The following PAAF1 variants were observed in gnomAD, a reference collection of about 807,000 sequenced individuals.
PAAF1 encodes proteasomal ATPase associated factor 1.
In PAAF1, 46 loss-of-function variants were observed where a neutral mutation model predicts 52.8. The observed-to-expected ratio is 0.87, with a 90% CI of 0.69 to 1.11. The LOEUF is 1.11. Ranked by LOEUF, PAAF1 falls within the 50% of genes most tolerant of loss-of-function variation. The probability of loss-of-function intolerance (pLI) is 0.00; values close to 1 mark genes in which losing one functional copy is unlikely to be tolerated. For missense variants in PAAF1, 424 were observed against 477.4 expected (o/e 0.89, Z 1.04); for synonymous variants, 178 against 172.8 (o/e 1.03, Z -0.24).
At position 73,909,425 on chromosome 11, in the gene PAAF1, CG is replaced by C. The variant is rs1456918238; in HGVS notation, c.564del (p.Arg189GlyfsTer45). The stretch of plus-strand genomic sequence containing the variant: ...TATCCTGGATACAGCCATCGTTGAT[CG>C]GGGGAGGAATGTGGTGTCTGCTTCT... ...GGILDTAIVD[R>X]GRNVVSASRD... On this transcript the variant is annotated frameshift_variant, in exon 7 of 12. Transcript: ENST00000310571. LOFTEE classifies it high-confidence loss of function. The C allele has an allele frequency of 1.9e-6, 3 of 1,613,792 alleles. No individual in the cohort carries two copies. The highest frequency in any genetic ancestry group is 2.5e-6 in the Non-Finnish European group (3 of 1,179,928).
chr11:73,881,786 A>C (rs1948915514), intron 2 of PAAF1, among the ~76,000 whole-genome samples: 1 of 152,052 alleles, frequency 6.6e-6, no homozygotes, highest in Admixed American at 6.6e-5. Context: ...GGCTCACTGC[A>C]ACCTCTGCCT....
rs1949524358 is a variant in PAAF1 at position 73,899,251 on chromosome 11, G to A, written c.381+7G>A. 2 of 1,610,460 alleles carry A rather than the reference G, an allele frequency of 1.2e-6. No homozygotes were observed. Among genetic ancestry groups the A allele is most frequent in the East Asian group, 2.2e-5 (1 of 44,840 alleles). On this transcript the variant is annotated splice_region_variant and intron_variant, in intron 5 of 11. Coordinates refer to ENST00000310571, the MANE Select transcript of PAAF1 (RefSeq NM_025155.3). ...TTCCAATGGAGAACTCAGGGTAAAG[G>A]ATTTGGATGTACTTTTAGGTCTTAA...
At chr11:73,887,542 C>T in intron 3 of PAAF1, 85 bp downstream of exon 3, 2 of 807,840 alleles carry the variant, frequency 2.5e-6, no homozygotes, top group Non-Finnish European at 3.8e-6. Flanking sequence ...ATACTATTAT[C>T]TGTGTATCTC....
At chr11:73,905,831 A>AT (rs376713911) in intron 6 of PAAF1, among the ~76,000 whole-genome samples, 27 of 150,942 alleles carry the variant, frequency 1.8e-4, no homozygotes, top group African/African-American at 5.3e-4. Context: ...ACTTTTCAGA[A>AT]TTTTTTTTTT....
At chr11:73,879,550 T>C (rs1015085950) in intron 2 of PAAF1, 1 of 152,188 alleles carries the variant, frequency 6.6e-6, no homozygotes, top group African/African-American at 2.4e-5. Flanking sequence ...CAAATGCTGC[T>C]GATATATTGT....
chr11:73,896,798 C>CA (rs1013840198), intron 4 of PAAF1, among the ~76,000 whole-genome samples: 13 of 152,330 alleles, frequency 8.5e-5, no homozygotes, highest in Admixed American at 3.9e-4. Context: ...GGCCCGTTCT[C>CA]AATGAGCTGT....
At chr11:73,915,914 T>A (rs1281562090) in intron 8 of PAAF1, among the ~76,000 whole-genome samples, 1 of 152,226 alleles carries the variant, frequency 6.6e-6, no homozygotes, top group Non-Finnish European at 1.5e-5. Context: ...TAATATCGCC[T>A]TTGTACTTGA....
intron 10 of PAAF1, among the ~76,000 whole-genome samples, chr11:73,922,553 C>T (rs914679960): frequency 6.6e-6 from 1 of 152,080 alleles, no homozygotes; most frequent in Non-Finnish European, 1.5e-5. Context: ...CACAGTGGCT[C>T]ACACCTGTAA....
chr11:73,908,947 C>T (rs1324487247), intron 6 of PAAF1, among the ~76,000 whole-genome samples: 1 of 151,980 alleles, frequency 6.6e-6, no homozygotes, highest in African/African-American at 2.4e-5. Flanking sequence ...TGTCACCACG[C>T]CTGGCTATTT....
chr11:73,910,109 G>A lies in PAAF1; in HGVS notation c.727+516G>A, dbSNP rs889508566. ...TTTTTATTTATTTTATTCTTTTAGC[G>A]ATAGAGTCCTGCTGTTTTGCCCAGG... On this transcript the variant is annotated intron_variant, in intron 7 of 11. Transcript: ENST00000310571. Among the ~76,000 whole-genome samples, 7 of 152,124 alleles carry A rather than the reference G, an allele frequency of 4.6e-5. No individual in the cohort carries two copies. In the South Asian group the frequency reaches 8.3e-4, roughly 18 times the overall value.
chr11:73,924,826 G>T lies in PAAF1; in HGVS notation c.1101+129G>T, dbSNP rs1950309321. On this transcript the variant is annotated intron_variant, in intron 11 of 11. Transcript: ENST00000310571. ...TAGTGCTTATTGTATAAGCAGTGTG[G>T]TAGGATGGCAAGAAATCAAGAGCTT... 5.8e-6 allele frequency: 4 copies of T among 687,860 alleles called. No homozygotes were observed. In the South Asian group the frequency reaches 7.7e-5, roughly 13 times the overall value. The allele number at this position is 687,860 out of a possible 1,614,324, so 42.6% of individuals were successfully genotyped here.
chr11:73,889,304 A>T, intron 3 of PAAF1: 1 of 1,029,304 alleles, frequency 9.7e-7, no homozygotes, highest in Non-Finnish European at 1.3e-6. Context: ...CACTTTGCTA[A>T]TTTGATATTG....
At chr11:73,916,750 A>G (rs35598792) in intron 9 of PAAF1, 90 bp downstream of exon 9, 43,144 of 790,708 alleles carry the variant, frequency 0.055, 1,344 homozygotes, top group Middle Eastern at 0.079. Context: ...GCATATAGAT[A>G]ACTATTGAAT....
chr11:73,927,311 C>T lies in PAAF1; in HGVS notation c.1128C>T (p.Tyr376=). Residue 376 remains tyrosine, a synonymous_variant, in exon 12 of 12, where the codon TAC becomes TAT. Transcript: ENST00000310571. ...TAGCCACATGGGAGAAGCAGATCTA[C>T]ACATGCTGTCGAGACGGTCTTGTAC... ...YKVATWEKQI[Y]TCCRDGLVRR... is the part of the protein sequence containing the mutation. The T allele has an allele frequency of 1.2e-6, 2 of 1,614,130 alleles. No individual in the cohort carries two copies. The highest frequency in any genetic ancestry group is 1.7e-6 in the Non-Finnish European group (2 of 1,179,968).
intron 10 of PAAF1, chr11:73,922,072 T>C: frequency 3.5e-6 from 3 of 858,654 alleles, no homozygotes; most frequent in South Asian, 1.3e-5. Flanking sequence ...TCATCCACAG[T>C]ATCTGTATCT....
At chr11:73,926,088 T>C (rs888183017) in intron 11 of PAAF1, among the ~76,000 whole-genome samples, 2 of 151,954 alleles carry the variant, frequency 1.3e-5, no homozygotes, top group African/African-American at 4.8e-5. Flanking sequence ...TAAATGCATA[T>C]AGATCTATTT....
At chr11:73,908,361 G>GTATA (rs528147180) in intron 6 of PAAF1, among the ~76,000 whole-genome samples, 10 of 136,802 alleles carry the variant, frequency 7.3e-5, no homozygotes, top group South Asian at 4.3e-4. Flanking sequence ...ATATATGTGT[G>GTATA]TATATATATA....
chr11:73,878,785 T>G lies in PAAF1; in HGVS notation c.54T>G (p.Asp18Glu). 1 of 1,613,426 alleles carries G rather than the reference T, an allele frequency of 6.2e-7. No individual in the cohort carries two copies. Among genetic ancestry groups the G allele is most frequent in the Non-Finnish European group, 8.5e-7 (1 of 1,179,634 alleles). Residue 18 changes from aspartate (D) to glutamate (E), a missense_variant, in exon 2 of 12, where the codon GAT becomes GAG. Coordinates refer to ENST00000310571, the MANE Select transcript of PAAF1 (RefSeq NM_025155.3). ...CTTTTGTCTTTCTTCGTAGGAAGGA[T>G]GAAGGGGAGGCCTGGCTGAGCTGTC... ...QSDWAQALRK[D>E]EGEAWLSCHP...
Position 73,928,996 on chromosome 11 carries a change from G to A in PAAF1, c.*1634G>A, listed in dbSNP as rs1426642243. The A allele has an allele frequency of 2.0e-5, 3 of 152,092 alleles. No homozygotes were observed. Among genetic ancestry groups the A allele is most frequent in the Non-Finnish European group, 4.4e-5 (3 of 68,058 alleles). 9.4% of individuals were successfully genotyped at this position (152,092 alleles called of 1,614,324 possible). A position where few individuals can be genotyped will look rare whatever the true frequency, so the allele number is the denominator to read the frequency against. ...GGCCTCCCAAAGTGCTGGGATTACA[G>A]GTGTGAGCCACCGTACCCGGCCGGC... On this transcript the variant is annotated 3_prime_UTR_variant, in exon 12 of 12. Coordinates refer to ENST00000310571, the MANE Select transcript of PAAF1 (RefSeq NM_025155.3).
Sources: gnomAD v4.1 joint callset for allele counts (sites outside exome capture counted in the v4.1 genomes callset) on GRCh38, gnomAD v4.1.1 for gene constraint, MANE v1.5 for transcripts, NCBI Gene and HGNC (gene_info 2026-07-23, HGNC 2026-07-21) for gene names.